Variants in ZC3H12B observed in about 807,000 individuals in gnomAD.
The protein encoded by ZC3H12B is zinc finger CCCH-type containing 12B, also known as probable ribonuclease ZC3H12B.
A neutral mutation model predicts 43.9 loss-of-function variants in ZC3H12B; 7 were observed. The ratio of observed to expected loss-of-function variants is 0.16; its 90% CI spans 0.09 to 0.30. ZC3H12B has a LOEUF of 0.30. Among genes scored for constraint, ZC3H12B ranks in the 10% least tolerant of loss-of-function variants. The pLI, the probability that ZC3H12B is intolerant of heterozygous loss-of-function variation, is 1.00. For missense variants in ZC3H12B, 475 were observed against 670.2 expected (o/e 0.71, Z 3.22); for synonymous variants, 222 against 241.7 (o/e 0.92, Z 0.76).
chrX:65,384,599 A>T (rs1569386692), intron 2 of ZC3H12B, among the ~76,000 whole-genome samples: 1 of 111,764 alleles, frequency 8.9e-6, no homozygotes, highest in Non-Finnish European at 1.9e-5. Context: ...CTATTGCTAT[A>T]GTTTAAAAAA....
chrX:65,483,164 G>A (rs1045096616), intron 3 of ZC3H12B, among the ~76,000 whole-genome samples: 1 of 111,820 alleles, frequency 8.9e-6, no homozygotes, highest in African/African-American at 3.2e-5. Context: ...TGTAAAACCA[G>A]ATAGGCTGAC....
At chrX:65,212,956 A>G in the ZC3H12B span, among the ~76,000 whole-genome samples, 5 of 107,157 alleles carry the variant, frequency 4.7e-5, no homozygotes, top group Admixed American at 4.2e-4. Context: ...GGCACTTACC[A>G]TCATTGGTCT....
the ZC3H12B span, among the ~76,000 whole-genome samples, chrX:65,080,638 C>T: frequency 9.0e-6 from 1 of 111,517 alleles, no homozygotes; most frequent in Non-Finnish European, 1.9e-5. Context: ...GTGAAAATAT[C>T]CTTCAAACCT....
intron 3 of ZC3H12B, among the ~76,000 whole-genome samples, chrX:65,472,286 A>C (rs1602502059): frequency 9.0e-6 from 1 of 111,414 alleles, no homozygotes; most frequent in East Asian, 2.8e-4. Context: ...TTTGGATGTT[A>C]ATCCTTTATT....
At chrX:65,303,424 TA>T in the ZC3H12B span, among the ~76,000 whole-genome samples, 310 of 112,290 alleles carry the variant, frequency 2.8e-3, 3 homozygotes, top group African/African-American at 9.6e-3. Flanking sequence ...TTTGCTATAT[TA>T]ACAGGTTAAA....
intron 3 of ZC3H12B, among the ~76,000 whole-genome samples, chrX:65,477,923 C>T (rs1300541485): frequency 9.4e-6 from 1 of 106,400 alleles, no homozygotes; most frequent in South Asian, 4.2e-4. Context: ...CTCTTTCTGC[C>T]CTTCAGACTA....
At chrX:65,435,413 G>A (rs1183967908) in intron 3 of ZC3H12B, among the ~76,000 whole-genome samples, 1 of 111,493 alleles carries the variant, frequency 9.0e-6, no homozygotes, top group Non-Finnish European at 1.9e-5. Flanking sequence ...AATATCAAAG[G>A]CAAATATTTT....
chrX:65,454,656 A>G (rs749741982), intron 3 of ZC3H12B, among the ~76,000 whole-genome samples: 76 of 111,685 alleles, frequency 6.8e-4, no homozygotes, highest in African/African-American at 2.0e-3. Flanking sequence ...GCAGCTGGAG[A>G]TCGGAGGATG....
At chrX:65,382,673 G>C (rs1271559712) in intron 2 of ZC3H12B, among the ~76,000 whole-genome samples, 1 of 111,670 alleles carries the variant, frequency 9.0e-6, no homozygotes, top group Non-Finnish European at 1.9e-5. Context: ...GTCCGTGTTT[G>C]CAGATGACAT....
chrX:65,189,545 C>T, the ZC3H12B span, among the ~76,000 whole-genome samples: 1 of 108,616 alleles, frequency 9.2e-6, no homozygotes, highest in African/African-American at 3.4e-5. Flanking sequence ...CTCTGATGAC[C>T]AGTGATGATG....
chrX:65,221,431 G>C, the ZC3H12B span, among the ~76,000 whole-genome samples: 2 of 111,384 alleles, frequency 1.8e-5, no homozygotes, highest in Non-Finnish European at 3.8e-5. Context: ...AGATAAAATT[G>C]ACAGACCATT....
the ZC3H12B span, among the ~76,000 whole-genome samples, chrX:65,170,815 G>A: frequency 9.0e-6 from 1 of 111,681 alleles, no homozygotes; most frequent in Non-Finnish European, 1.9e-5. Context: ...CTTGCTTCCT[G>A]TTGATCAAAT....
chrX:65,060,569 G>T, the ZC3H12B span, among the ~76,000 whole-genome samples: 5 of 111,849 alleles, frequency 4.5e-5, no homozygotes, highest in Admixed American at 1.9e-4. Flanking sequence ...CATGATGAAT[G>T]ATCTTTCTAA....
the ZC3H12B span, among the ~76,000 whole-genome samples, chrX:65,314,368 C>T: frequency 9.0e-6 from 1 of 111,110 alleles, no homozygotes; most frequent in African/African-American, 3.3e-5. Context: ...GAAAATGCTG[C>T]AAAATCAAAG....
At chrX:65,316,885 C>A in the ZC3H12B span, among the ~76,000 whole-genome samples, 3 of 111,721 alleles carry the variant, frequency 2.7e-5, no homozygotes, top group East Asian at 5.6e-4. Flanking sequence ...CAAGGTTATA[C>A]TGTCTTCAAG....
chrX:65,408,705 T>C, intron 3 of ZC3H12B: 2 of 783,921 alleles, frequency 2.6e-6, no homozygotes, highest in South Asian at 5.1e-5. Flanking sequence ...CTCATACTCT[T>C]ACAGTGCTGC....
the ZC3H12B span, among the ~76,000 whole-genome samples, chrX:65,179,121 G>T: frequency 2.7e-5 from 3 of 111,052 alleles, no homozygotes; most frequent in Non-Finnish European, 3.8e-5. Context: ...CATCGATGAA[G>T]CTGGAAACCA....
chrX:65,127,492 G>A, the ZC3H12B span, among the ~76,000 whole-genome samples: 1 of 111,127 alleles, frequency 9.0e-6, no homozygotes, highest in African/African-American at 3.3e-5. Flanking sequence ...CCAGCCAGGA[G>A]GTGGCAGTCC....
At chrX:65,322,649 G>A in the ZC3H12B span, among the ~76,000 whole-genome samples, 2 of 111,549 alleles carry the variant, frequency 1.8e-5, no homozygotes, top group African/African-American at 6.5e-5. Flanking sequence ...CTGTATTTTC[G>A]TCGTAGATTT....
Sources: allele counts gnomAD v4.1 joint callset (sites outside exome capture counted in the v4.1 genomes callset), GRCh38; gene constraint gnomAD v4.1.1; transcripts MANE v1.5; gene names NCBI Gene and HGNC (gene_info 2026-07-23, HGNC 2026-07-21).